Variants in SLC36A1 observed in about 807,000 individuals in gnomAD.
SLC36A1 encodes the protein proton-coupled amino acid transporter 1.
A neutral mutation model predicts 47.5 loss-of-function variants in SLC36A1; 30 were observed. The ratio of observed to expected loss-of-function variants is 0.63; its 90% CI spans 0.47 to 0.86. The LOEUF is 0.86. Ranked by LOEUF, SLC36A1 falls within the 40% of genes least tolerant of loss-of-function variation. SLC36A1 has a pLI of 0.00. For missense variants in SLC36A1, 517 were observed against 606.0 expected, an observed-to-expected ratio of 0.85 and a Z score of 1.54; for synonymous variants, 255 against 249.7, an observed-to-expected ratio of 1.02 and a Z score of -0.20.
chr5:151,361,107 T>G, the SLC36A1 span, among the ~76,000 whole-genome samples: 18 of 152,358 alleles, frequency 1.2e-4, no homozygotes, highest in African/African-American at 4.3e-4. Flanking sequence ...TTTATGGTTT[T>G]TTCTATAACC....
chr5:151,481,861 T>C (rs1048481605), intron 10 of SLC36A1, among the ~76,000 whole-genome samples: 7 of 152,216 alleles, frequency 4.6e-5, no homozygotes, highest in Non-Finnish European at 7.3e-5. Context: ...ACTTAGCAGG[T>C]CACCTTATGT....
At chr5:151,382,545 A>G in the SLC36A1 span, among the ~76,000 whole-genome samples, 1 of 152,210 alleles carries the variant, frequency 6.6e-6, no homozygotes, top group Non-Finnish European at 1.5e-5. Context: ...TTTCCCCACC[A>G]ACTTAGCATC....
the SLC36A1 span, among the ~76,000 whole-genome samples, chr5:151,399,251 G>A: frequency 2.0e-4 from 30 of 151,162 alleles, no homozygotes; most frequent in South Asian, 4.2e-4. Flanking sequence ...CACACCTGGC[G>A]AATTTTTGTA....
intron 7 of SLC36A1, among the ~76,000 whole-genome samples, chr5:151,468,531 G>C (rs942293646): frequency 6.6e-6 from 1 of 150,676 alleles, no homozygotes; most frequent in African/African-American, 2.4e-5. Flanking sequence ...CTTGGGCCCT[G>C]TTGACATTTT....
rs1755079995 is a variant in SLC36A1 at position 151,458,798 on chromosome 5, C to T, written c.6C>T (p.Ser2=). 2 of 1,613,758 alleles carry T rather than the reference C, an allele frequency of 1.2e-6. No individual in the cohort carries two copies. The highest frequency in any genetic ancestry group is 2.2e-5 in the South Asian group (2 of 91,064). The change falls in exon 2 of 11, where the codon TCC becomes TCT. Residue 2 remains serine, a synonymous_variant. Transcript: ENST00000243389. ...GCCCTGTCCCCCCAGCTGCCATGTC[C>T]ACGCAGAGACTTCGGAATGAAGACT... M[S]TQRLRNEDYH... is the part of the protein sequence containing the mutation.
the SLC36A1 span, among the ~76,000 whole-genome samples, chr5:151,501,167 A>G: frequency 6.6e-6 from 1 of 152,210 alleles, no homozygotes; most frequent in African/African-American, 2.4e-5. Context: ...GAGGAGGACC[A>G]GGTCATTGTT....
the SLC36A1 span, among the ~76,000 whole-genome samples, chr5:151,345,596 GTGTCCACATCGC>G: frequency 6.6e-6 from 1 of 150,520 alleles, no homozygotes; most frequent in Non-Finnish European, 1.5e-5. Context: ...CTCCCTGTGG[GTGTCCACATCGC>G]TGACCGAGCA....
chr5:151,466,497 T>C (rs779016831), intron 5 of SLC36A1, among the ~76,000 whole-genome samples: 9 of 151,756 alleles, frequency 5.9e-5, no homozygotes, highest in Non-Finnish European at 1.2e-4. Context: ...TGCTGTGTAA[T>C]GTTCCATTTA....
chr5:151,506,869 C>T, the SLC36A1 span, among the ~76,000 whole-genome samples: 2 of 152,178 alleles, frequency 1.3e-5, no homozygotes, highest in Non-Finnish European at 2.9e-5. Context: ...CCTTCTCACT[C>T]CAAGGGTTCT....
intron 2 of SLC36A1, among the ~76,000 whole-genome samples, chr5:151,460,902 T>C (rs1326097753): frequency 1.3e-5 from 2 of 150,934 alleles, no homozygotes; most frequent in Admixed American, 6.6e-5. Flanking sequence ...CACACCTGGC[T>C]CTTCTAGAAG....
intron 10 of SLC36A1, among the ~76,000 whole-genome samples, chr5:151,486,023 T>A (rs1423891795): frequency 6.6e-6 from 1 of 152,192 alleles, no homozygotes; most frequent in Non-Finnish European, 1.5e-5. Context: ...TGTTAGTCCA[T>A]TTGCGTTGTT....
chr5:151,385,179 T>G, the SLC36A1 span, among the ~76,000 whole-genome samples: 187 of 152,228 alleles, frequency 1.2e-3, no homozygotes, highest in African/African-American at 4.4e-3. Context: ...TGCCACTATT[T>G]AAAAACTGGA....
At chr5:151,385,369 GGAGA>G in the SLC36A1 span, among the ~76,000 whole-genome samples, 1 of 152,114 alleles carries the variant, frequency 6.6e-6, no homozygotes, top group Non-Finnish European at 1.5e-5. Flanking sequence ...TGTCAGGCAG[GGAGA>G]GAAAGTCACA....
chr5:151,510,310 A>G, the SLC36A1 span: 5 of 1,026,280 alleles, frequency 4.9e-6, no homozygotes, highest in Middle Eastern at 3.1e-4. Context: ...TGTGCCCAAT[A>G]CCGTGCTGGG....
chr5:151,555,367 C>CTTTTTTTTT, the SLC36A1 span, among the ~76,000 whole-genome samples: 1 of 123,110 alleles, frequency 8.1e-6, no homozygotes, highest in Non-Finnish European at 1.7e-5. Flanking sequence ...TAATATATTT[C>CTTTTTTTTT]TTTTTTTTTT....
At chr5:151,383,827 C>T in the SLC36A1 span, among the ~76,000 whole-genome samples, 1 of 152,152 alleles carries the variant, frequency 6.6e-6, no homozygotes, top group African/African-American at 2.4e-5. Flanking sequence ...CCCGCCTCGG[C>T]CTCCCAAGGT....
chr5:151,447,317 T>C (rs554334115), upstream of SLC36A1, among the ~76,000 whole-genome samples: 17 of 152,226 alleles, frequency 1.1e-4, no homozygotes, highest in South Asian at 4.2e-4. Context: ...TCGAGATGTG[T>C]AAAAGAAAAT....
the SLC36A1 span, chr5:151,521,482 G>C: frequency 2.5e-6 from 4 of 1,614,242 alleles, no homozygotes; most frequent in East Asian, 6.7e-5. Flanking sequence ...GGCTGAGTGA[G>C]TGATGATGGA....
the SLC36A1 span, among the ~76,000 whole-genome samples, chr5:151,503,693 A>ATAGT: frequency 6.6e-6 from 1 of 152,102 alleles, no homozygotes; most frequent in Non-Finnish European, 1.5e-5. Flanking sequence ...AAGACTTCTG[A>ATAGT]TAGTTAAGTC....
Sources: allele counts gnomAD v4.1 joint callset (sites outside exome capture counted in the v4.1 genomes callset), GRCh38; gene constraint gnomAD v4.1.1; transcripts MANE v1.5; gene names NCBI Gene and HGNC (gene_info 2026-07-23, HGNC 2026-07-21).